Variants in TJP2 observed in about 807,000 individuals in gnomAD.
TJP2 encodes Friedreich ataxia region gene X104 (tight junction protein ZO-2).
TJP2 carries 91 observed loss-of-function variants against 133.1 expected under a neutral mutation model. That is an observed-to-expected ratio of 0.68 (90% CI 0.58 to 0.81). The LOEUF is 0.81. Among genes scored for constraint, TJP2 ranks in the 40% least tolerant of loss-of-function variants. The pLI, the probability that TJP2 is intolerant of heterozygous loss-of-function variation, is 0.00. For synonymous variants in TJP2, 592 were observed against 583.4 expected (o/e 1.01, Z -0.21); for missense variants, 1,541 against 1,565.6 (o/e 0.98, Z 0.26).
chr9:69,130,393 C>T (rs938658081), intron 1 of TJP2, among the ~76,000 whole-genome samples: 12 of 152,270 alleles, frequency 7.9e-5, no homozygotes, highest in Admixed American at 2.0e-4. Context: ...GTGTGTAGCG[C>T]AGTGATTCTC....
chr9:69,246,468 C>G, intron 17 of TJP2: 1 of 531,218 alleles, frequency 1.9e-6, no homozygotes, highest in Non-Finnish European at 3.4e-6. Flanking sequence ...CTATTTTTAG[C>G]TTTATCACAT....
intron 1 of TJP2, among the ~76,000 whole-genome samples, chr9:69,180,917 C>G (rs916869650): frequency 2.0e-5 from 3 of 152,172 alleles, no homozygotes; most frequent in Admixed American, 2.0e-4. Context: ...CCTCCCTGGT[C>G]TGAGTCATCT....
chr9:69,241,765 A>C (rs561085458), intron 17 of TJP2, among the ~76,000 whole-genome samples: 2 of 152,332 alleles, frequency 1.3e-5, no homozygotes, highest in Admixed American at 1.3e-4. Flanking sequence ...GCCATAAGAA[A>C]GGCCAGCACT....
intron 5 of TJP2, among the ~76,000 whole-genome samples, chr9:69,222,620 A>G (rs1040621267): frequency 2.0e-4 from 30 of 152,240 alleles, no homozygotes; most frequent in Non-Finnish European, 5.9e-5. Flanking sequence ...CAAAAGGTTC[A>G]TTGATATACA....
chr9:69,187,482 AG>A (rs1175009740), intron 1 of TJP2, among the ~76,000 whole-genome samples: 1 of 152,224 alleles, frequency 6.6e-6, no homozygotes, highest in Non-Finnish European at 1.5e-5. Context: ...TGACTATGTT[AG>A]TGTAGTCTGC....
chr9:69,184,752 C>CTTTTT (rs564424748), intron 1 of TJP2, among the ~76,000 whole-genome samples: 4 of 125,866 alleles, frequency 3.2e-5, no homozygotes, highest in East Asian at 2.3e-4. Context: ...TCTCTCTCTT[C>CTTTTT]TTTTTTTTTT....
chr9:69,197,755 C>G (rs1313300624), intron 1 of TJP2, among the ~76,000 whole-genome samples: 1 of 152,292 alleles, frequency 6.6e-6, no homozygotes, highest in East Asian at 1.9e-4. Flanking sequence ...CAAGTCTTAC[C>G]AAGTGAACTG....
intron 1 of TJP2, among the ~76,000 whole-genome samples, chr9:69,142,896 T>C (rs1359983090): frequency 2.6e-5 from 4 of 152,230 alleles, no homozygotes; most frequent in African/African-American, 9.6e-5. Flanking sequence ...ATTTCTAGAA[T>C]TGTAAGGGAA....
Position 69,236,961 on chromosome 9 carries a change from G to C in TJP2, c.2004G>C (p.Met668Ile), listed in dbSNP as rs34774441. 4 of 1,614,166 alleles carry C rather than the reference G, an allele frequency of 2.5e-6. No homozygotes were observed. Among genetic ancestry groups the C allele is most frequent in the Non-Finnish European group, 3.4e-6 (4 of 1,180,022 alleles). Residue 668 changes from methionine (M) to isoleucine (I), a missense_variant, in exon 14 of 23, where the codon ATG becomes ATC. Coordinates refer to ENST00000377245, the MANE Select transcript of TJP2 (RefSeq NM_004817.4). ...GGTTTCTTCTCAGAGCTGAACAAAT[G>C]GCCAGTGTTCAAAATGCCCAGAGAG... ...LIPNKSRAEQMASVQNAQRDN... is the reference protein window; with the variant it reads ...LIPNKSRAEQIASVQNAQRDN...
At chr9:69,174,101 C>T, upstream of TJP2, 2 of 1,172,876 alleles carry the variant, frequency 1.7e-6, no homozygotes, top group East Asian at 4.1e-5. Context: ...CCGGCGAGCC[C>T]TTCCCCGGCA....
Position 69,156,537 on chromosome 9 carries a change from T to A in TJP2, c.-10+4766T>A, listed in dbSNP as rs1318341728. Among the ~76,000 whole-genome samples the A allele has an allele frequency of 1.7e-4, 24 of 142,822 alleles. No homozygotes were observed. The East Asian group carries it at 2.7e-3, about 16-fold the overall frequency. The allele number at this position is 142,822 out of a possible 152,430, so 93.7% of individuals were successfully genotyped here. A position where few individuals can be genotyped will look rare whatever the true frequency, so the allele number is the denominator to read the frequency against. On this transcript the variant is annotated intron_variant, in intron 2 of 5. Transcript: ENST00000423935. ...ATACATGTAAGATTTTTTTTTTTTT[T>A]TTTTTTTTTTTTGAGACGGAGTCTC...
At chr9:69,230,381 T>C in intron 11 of TJP2, 149 bp downstream of exon 11, 1 of 972,428 alleles carries the variant, frequency 1.0e-6, no homozygotes, top group South Asian at 1.4e-5. Context: ...GTCTCTGTAT[T>C]CCTCAAATGC....
intron 4 of TJP2, among the ~76,000 whole-genome samples, chr9:69,219,464 G>A (rs11145746): frequency 0.19 from 28,379 of 152,176 alleles, 2,735 homozygotes; most frequent in Middle Eastern, 0.23. Flanking sequence ...AGACATGACA[G>A]TTCATTTCTA....
At chr9:69,183,375 C>A (rs1210805225) in intron 1 of TJP2, among the ~76,000 whole-genome samples, 1 of 152,170 alleles carries the variant, frequency 6.6e-6, no homozygotes, top group Non-Finnish European at 1.5e-5. Flanking sequence ...TCTCTTCTGA[C>A]TTCTCTCACC....
chr9:69,133,500 G>C (rs4744829), intron 1 of TJP2, among the ~76,000 whole-genome samples: 69,210 of 150,120 alleles, frequency 0.46, 16,082 homozygotes, highest in East Asian at 0.62. Context: ...CTGCCACACT[G>C]CTCCGCTTGC....
At chr9:69,173,140 G>T (rs1302301506), upstream of TJP2, among the ~76,000 whole-genome samples, 1 of 152,168 alleles carries the variant, frequency 6.6e-6, no homozygotes, top group Non-Finnish European at 1.5e-5. Context: ...TTTTCAGGGA[G>T]AGAGCCCAGC....
rs138421400 is a variant in TJP2 at position 69,200,199 on chromosome 9, C to T, written c.61-12349C>T. ...GTCTTGAACACCCTTGCAGGTTACC[C>T]CTCCTGGCTCTGAACGGGCTGTTCC... is the stretch of plus-strand genomic sequence containing the variant. On this transcript the variant is annotated intron_variant, in intron 1 of 22. Transcript: ENST00000377245. Among the ~76,000 whole-genome samples the T allele has an allele frequency of 3.5e-3, 444 of 125,988 alleles. 3 individuals are homozygous for T. The highest frequency in any genetic ancestry group is 0.011 in the African/African-American group (418 of 37,290). 82.7% of individuals were successfully genotyped at this position (125,988 alleles called of 152,430 possible).
At chr9:69,181,723 G>A (rs1322845701) in intron 1 of TJP2, among the ~76,000 whole-genome samples, 1 of 152,078 alleles carries the variant, frequency 6.6e-6, no homozygotes, top group South Asian at 2.1e-4. Flanking sequence ...AACTACGTTT[G>A]TGTTTGCTTG....
intron 17 of TJP2, among the ~76,000 whole-genome samples, chr9:69,244,341 C>T (rs1830782433): frequency 6.6e-6 from 1 of 152,120 alleles, no homozygotes; most frequent in African/African-American, 2.4e-5. Context: ...TTCTCCCTTT[C>T]CCTAAACCCT....
Sources: allele counts gnomAD v4.1 joint callset (sites outside exome capture counted in the v4.1 genomes callset), GRCh38; gene constraint gnomAD v4.1.1; transcripts MANE v1.5; gene names NCBI Gene and HGNC (gene_info 2026-07-23, HGNC 2026-07-21).